The following MYRIP variants were observed in gnomAD, a reference collection of about 807,000 sequenced individuals.
The protein encoded by MYRIP is myosin VIIA and Rab interacting protein.
A neutral mutation model predicts 98.0 loss-of-function variants in MYRIP; 49 were observed. The observed-to-expected ratio is 0.50, with a 90% confidence interval of 0.40 to 0.63. The LOEUF is 0.63. Among genes scored for constraint, MYRIP ranks in the 30% least tolerant of loss-of-function variants. The pLI is 0.00. For missense variants in MYRIP, 1,004 were observed against 1,058.2 expected (o/e 0.95, Z 0.71); for synonymous variants, 404 against 409.5 (o/e 0.99, Z 0.16).
At chr3:40,083,136 G>T (rs1948517133) in intron 3 of MYRIP, among the ~76,000 whole-genome samples, 1 of 152,178 alleles carries the variant, frequency 6.6e-6, no homozygotes, top group Non-Finnish European at 1.5e-5. Context: ...CAGAATTAGG[G>T]AGTCAGATAT....
At chr3:40,077,075 G>A (rs147518793) in intron 3 of MYRIP, among the ~76,000 whole-genome samples, 2,074 of 152,128 alleles carry the variant, frequency 0.014, 25 homozygotes, top group Non-Finnish European at 0.024. Context: ...CGCGTCTGGA[G>A]TTTGTTCCTT....
At chr3:40,240,979 A>C (rs1286258739) in intron 12 of MYRIP, among the ~76,000 whole-genome samples, 2 of 152,198 alleles carry the variant, frequency 1.3e-5, no homozygotes, top group African/African-American at 2.4e-5. Flanking sequence ...CCCATCCCAG[A>C]CAGCCAGGAA....
At chr3:39,983,190 C>T (rs190623202) in intron 2 of MYRIP, among the ~76,000 whole-genome samples, 43 of 152,324 alleles carry the variant, frequency 2.8e-4, no homozygotes, top group Middle Eastern at 3.4e-3. Flanking sequence ...TTCTGTGGCC[C>T]GGTTCCTTTA....
At chr3:40,082,644 A>T (rs540613037) in intron 3 of MYRIP, among the ~76,000 whole-genome samples, 23 of 152,334 alleles carry the variant, frequency 1.5e-4, no homozygotes, top group Middle Eastern at 3.4e-3. Flanking sequence ...ATTAGGGCCT[A>T]GTTACCAGAT....
chr3:40,217,218 G>A lies in MYRIP; in HGVS notation c.1905+7125G>A, dbSNP rs553067529. Among the ~76,000 whole-genome samples, 41 of 152,116 alleles carry A rather than the reference G, an allele frequency of 2.7e-4. No homozygotes were observed. The Middle Eastern group carries it at 0.01, about 38-fold the overall frequency. The stretch of plus-strand genomic sequence containing the variant: ...CCTTCATACTAATAAAACTGTTCTT[G>A]AGCAATTAAAAAAATGGAAAGCATC... On this transcript the variant is annotated intron_variant, in intron 11 of 16. Transcript: ENST00000302541.
chr3:40,060,881 C>A (rs1030223490), intron 3 of MYRIP, among the ~76,000 whole-genome samples: 3 of 152,196 alleles, frequency 2.0e-5, no homozygotes, highest in Admixed American at 2.0e-4. Context: ...GCATGAGGCA[C>A]CACGCCCGAC....
rs967120694 is a variant in MYRIP at position 40,185,881 on chromosome 3, C to T, written c.1027+3508C>T. On this transcript the variant is annotated intron_variant, in intron 9 of 16. Transcript: ENST00000302541. ...TTGAGAGCTGCTCAATGAGCCCCGT[C>T]GCCCCTATAGCCTTTGGTGCCTGTA... Among the ~76,000 whole-genome samples the T allele has an allele frequency of 8.6e-5, 13 of 152,000 alleles. 1 individual carries two copies. The highest frequency in any genetic ancestry group is 1.9e-4 in the Non-Finnish European group (13 of 68,010).
chr3:39,863,924 A>G (rs111618058), intron 1 of MYRIP, among the ~76,000 whole-genome samples: 159 of 152,310 alleles, frequency 1.0e-3, no homozygotes, highest in African/African-American at 3.7e-3. Flanking sequence ...AACCAAATCC[A>G]GCAGCACATC....
intron 4 of MYRIP, among the ~76,000 whole-genome samples, chr3:40,154,159 T>C (rs982771835): frequency 6.6e-6 from 1 of 151,962 alleles, no homozygotes; most frequent in Non-Finnish European, 1.5e-5. Flanking sequence ...AAAAATTCAT[T>C]GAAGATTCCT....
chr3:40,144,524 C>A (rs992640892), intron 3 of MYRIP, among the ~76,000 whole-genome samples: 1 of 152,222 alleles, frequency 6.6e-6, no homozygotes, highest in Non-Finnish European at 1.5e-5. Context: ...CATGTGGACC[C>A]TTCCAGCTGC....
At chr3:40,033,625 C>T (rs916692194) in intron 2 of MYRIP, among the ~76,000 whole-genome samples, 6 of 152,136 alleles carry the variant, frequency 3.9e-5, no homozygotes, top group African/African-American at 1.4e-4. Flanking sequence ...GAATCAACAT[C>T]ATAAAAATGG....
At chr3:39,948,874 C>T (rs1415026234) in intron 2 of MYRIP, among the ~76,000 whole-genome samples, 1 of 151,916 alleles carries the variant, frequency 6.6e-6, no homozygotes, top group African/African-American at 2.4e-5. Context: ...TGTGGAACAC[C>T]GAAGACAAAC....
At chr3:39,937,087 T>C (rs1438639157) in intron 2 of MYRIP, among the ~76,000 whole-genome samples, 1 of 152,182 alleles carries the variant, frequency 6.6e-6, no homozygotes, top group Non-Finnish European at 1.5e-5. Flanking sequence ...CACTTGGTCA[T>C]CTTGCTCCAA....
At position 40,118,545 on chromosome 3, in the gene MYRIP, T is replaced by C. The variant is rs186215339; in HGVS notation, c.333-32503T>C. ...ACAGGAATGAGGAAACTTTTTTTTTTCCCTGGGTTGAAGGTTTATTTATTT... is the reference window on the plus strand; with the variant it reads ...ACAGGAATGAGGAAACTTTTTTTTTCCCCTGGGTTGAAGGTTTATTTATTT... On this transcript the variant is annotated intron_variant, in intron 3 of 16. Coordinates refer to ENST00000302541, the MANE Select transcript of MYRIP (RefSeq NM_015460.4). Among the ~76,000 whole-genome samples the C allele has an allele frequency of 3.3e-3, 494 of 151,808 alleles. 1 individual carries two copies. Among genetic ancestry groups the C allele is most frequent in the Middle Eastern group, 3.4e-3 (1 of 292 alleles).
At chr3:40,125,599 A>G (rs1290561195) in intron 3 of MYRIP, among the ~76,000 whole-genome samples, 2 of 152,088 alleles carry the variant, frequency 1.3e-5, no homozygotes, top group African/African-American at 4.8e-5. Context: ...TCCAGTTGAC[A>G]CTCAGTATTA....
At chr3:40,063,850 G>A (rs4293655) in intron 3 of MYRIP, among the ~76,000 whole-genome samples, 58,675 of 151,756 alleles carry the variant, frequency 0.39, 11,512 homozygotes, top group East Asian at 0.58. Flanking sequence ...GTGCATGGGT[G>A]GTTGTGGAGG....
At chr3:39,849,487 C>G (rs2125603987) in intron 1 of MYRIP, among the ~76,000 whole-genome samples, 1 of 152,280 alleles carries the variant, frequency 6.6e-6, no homozygotes, top group South Asian at 2.1e-4. Context: ...GATGGATGAC[C>G]TGGGGAGACA....
intron 3 of MYRIP, among the ~76,000 whole-genome samples, chr3:40,080,791 CTTTTT>C (rs34610302): frequency 4.3e-5 from 4 of 93,854 alleles, no homozygotes; most frequent in South Asian, 3.3e-4. Context: ...ATCCTAACTT[CTTTTT>C]TTTTTTTTTT....
chr3:40,191,978 G>A (rs2125632535), intron 10 of MYRIP, among the ~76,000 whole-genome samples: 1 of 152,090 alleles, frequency 6.6e-6, no homozygotes, highest in East Asian at 1.9e-4. Flanking sequence ...TCCTTGCAAG[G>A]CATTGATAGA....
Sources: allele counts gnomAD v4.1 joint callset (sites outside exome capture counted in the v4.1 genomes callset), GRCh38; gene constraint gnomAD v4.1.1; transcripts MANE v1.5; gene names NCBI Gene and HGNC (gene_info 2026-07-23, HGNC 2026-07-21).